The following P2RX7 variants were observed in gnomAD, a reference collection of about 807,000 sequenced individuals.
P2RX7 encodes purinergic receptor P2X 7, also known as P2X purinoceptor 7.
Under a neutral mutation model 71.6 loss-of-function variants are expected in P2RX7, and 62 were observed. The observed-to-expected ratio is 0.87, with a 90% CI of 0.71 to 1.07. The LOEUF is 1.07. P2RX7 is among the 50% of genes least tolerant of loss of function. The pLI, the probability that P2RX7 is intolerant of heterozygous loss-of-function variation, is 0.00. For synonymous variants in P2RX7, 299 were observed against 283.3 expected, an observed-to-expected ratio of 1.06 and a Z score of -0.56; for missense variants, 686 against 748.5, an observed-to-expected ratio of 0.92 and a Z score of 0.97.
Position 121,154,844 on chromosome 12 carries a change from ACAC to A in P2RX7, c.188_190del (p.Thr63del). On this transcript the variant is annotated inframe_deletion, in exon 2 of 13. Transcript: ENST00000328963. This position sits in a 1 kb window ranked among gnomAD's most constrained non-coding sequence, Gnocchi z 4.2. ...AAAGAGCCTGTCATCAGTTCTGTGC[ACAC>A]CAAGGTGAAGGGGATAGCAGAGGTG... The A allele has an allele frequency of 6.2e-7, 1 of 1,614,212 alleles. No individual in the cohort carries two copies. The highest frequency in any genetic ancestry group is 8.5e-7 in the Non-Finnish European group (1 of 1,180,026).
In P2RX7 at chr12:121,180,474, T is replaced by G; in HGVS notation, c.1290+19T>G. ...AGTCCCAGTAAGTTAAATCATTTTGTCTTTTTTTTTTTTTTAAGAAAATTT... is the reference window on the plus strand; with the variant it reads ...AGTCCCAGTAAGTTAAATCATTTTGGCTTTTTTTTTTTTTTAAGAAAATTT... On this transcript the variant is annotated intron_variant, in intron 12 of 12. Coordinates refer to ENST00000328963, the MANE Select transcript of P2RX7 (RefSeq NM_002562.6). The G allele has an allele frequency of 7.4e-7, 1 of 1,356,246 alleles. No homozygotes were observed. 84.0% of individuals were successfully genotyped at this position (1,356,246 alleles called of 1,614,324 possible).
chr12:121,163,576 AGAT>A (rs1880293814), intron 5 of P2RX7, among the ~76,000 whole-genome samples: 1 of 97,964 alleles, frequency 1.0e-5, no homozygotes, highest in African/African-American at 3.9e-5. Context: ...ATAGATAAAT[AGAT>A]AATAGATAGA....
intron 12 of P2RX7, 127 bp from the exon 13 acceptor site, chr12:121,184,178 C>T (rs1465881035): frequency 2.6e-6 from 3 of 1,157,296 alleles, no homozygotes; most frequent in Non-Finnish European, 3.5e-6. Flanking sequence ...CTGATATCTA[C>T]ACCTAATAAA....
At chr12:121,144,726 C>T (rs1310083557) in intron 1 of P2RX7, among the ~76,000 whole-genome samples, 1 of 151,990 alleles carries the variant, frequency 6.6e-6, no homozygotes, top group African/African-American at 2.4e-5. Context: ...CTGTTGGCGA[C>T]CTGGACTGGG....
chr12:121,175,286 G>C, intron 8 of P2RX7, 102 bp from the exon 9 acceptor site: 1 of 635,964 alleles, frequency 1.6e-6, no homozygotes. Context: ...ACTCCAGCCT[G>C]GGTGACAGCG....
At position 121,156,077 on chromosome 12, in the gene P2RX7, AG is replaced by A. The variant is rs1466696375; in HGVS notation, c.297del. On this transcript the variant is annotated splice_acceptor_variant, in intron 2 of 12. Coordinates refer to ENST00000328963, the MANE Select transcript of P2RX7 (RefSeq NM_002562.6). LOFTEE classifies it high-confidence loss of function. Reference sequence around the variant, plus strand: ...ATTTTCTTAGCCTCTCCTTCTCCACAGGGGAACTCTTTCTTCGTGATGACAA... The same window carrying A: ...ATTTTCTTAGCCTCTCCTTCTCCACAGGGAACTCTTTCTTCGTGATGACAA... 6.2e-7 allele frequency: 1 copy of A among 1,613,574 alleles called. No individual in the cohort carries two copies. Among genetic ancestry groups the A allele is most frequent in the East Asian group, 2.2e-5 (1 of 44,888 alleles).
rs151109698 is a variant in P2RX7, at chr12:121,162,212, T to A, written c.437-212T>A. 124 of 1,350,908 alleles carry A rather than the reference T, an allele frequency of 9.2e-5. 1 individual carries two copies. In the East Asian group the frequency reaches 3.7e-3, roughly 40 times the overall value. 83.7% of individuals were successfully genotyped at this position (1,350,908 alleles called of 1,614,324 possible). On this transcript the variant is annotated intron_variant, in intron 4 of 12. Coordinates refer to ENST00000328963, the MANE Select transcript of P2RX7 (RefSeq NM_002562.6). Reference sequence around the variant, plus strand: ...AGCAGAATCCACAGTCTTTCTGTGTTCTCTCTGATCTTTATTATGTTTTGC... The same window carrying A: ...AGCAGAATCCACAGTCTTTCTGTGTACTCTCTGATCTTTATTATGTTTTGC...
chr12:121,179,360 C>A (rs977631441), intron 11 of P2RX7, among the ~76,000 whole-genome samples: 1 of 151,894 alleles, frequency 6.6e-6, no homozygotes, highest in Non-Finnish European at 1.5e-5. Context: ...ATTAGCCAGG[C>A]ATGGTGGCGC....
Position 121,180,473 on chromosome 12 carries a change from G to GT in P2RX7, c.1290+19dup. 8.0e-7 allele frequency: 1 copy of GT among 1,250,228 alleles called. No homozygotes were observed. 77.4% of individuals were successfully genotyped at this position (1,250,228 alleles called of 1,614,324 possible). On this transcript the variant is annotated intron_variant, in intron 12 of 12. Coordinates refer to ENST00000328963, the MANE Select transcript of P2RX7 (RefSeq NM_002562.6). The stretch of plus-strand genomic sequence containing the variant: ...AAGTCCCAGTAAGTTAAATCATTTT[G>GT]TCTTTTTTTTTTTTTTAAGAAAATT...
At position 121,154,940 on chromosome 12, in the gene P2RX7, C is replaced by T. The variant is rs139064140; in HGVS notation, c.281C>T (p.Thr94Ile). ...VHSVFDTADY[T>I]FPLQGNSFFV... ...AGTGTCTTTGACACCGCAGACTACA[C>T]CTTCCCTTTGCAGGTGAGCACCTCG... The change falls in exon 2 of 13, where the codon ACC (threonine) becomes ATC (isoleucine). Residue 94 changes from threonine (T) to isoleucine (I), a missense_variant. Coordinates refer to ENST00000328963, the MANE Select transcript of P2RX7 (RefSeq NM_002562.6). This position sits in a 1 kb window ranked among gnomAD's most constrained non-coding sequence, Gnocchi z 4.2. The T allele has an allele frequency of 2.2e-5, 35 of 1,614,062 alleles. No individual in the cohort carries two copies. In the African/African-American group the frequency reaches 3.3e-4, roughly 15 times the overall value.
At chr12:121,151,245 CTT>C (rs907199510) in intron 1 of P2RX7, among the ~76,000 whole-genome samples, 2 of 144,326 alleles carry the variant, frequency 1.4e-5, no homozygotes, top group Non-Finnish European at 1.5e-5. Flanking sequence ...AAATGAAATC[CTT>C]TTTTTTTTTT....
chr12:121,150,700 G>A (rs1275040622), intron 1 of P2RX7, among the ~76,000 whole-genome samples: 2 of 152,202 alleles, frequency 1.3e-5, no homozygotes, highest in African/African-American at 4.8e-5. Flanking sequence ...CCTGAGGTCA[G>A]GAGTTCAAGA....
chr12:121,147,164 T>C (rs963021427), intron 1 of P2RX7, among the ~76,000 whole-genome samples: 1 of 152,228 alleles, frequency 6.6e-6, no homozygotes, highest in Non-Finnish European at 1.5e-5. Flanking sequence ...CACTGTAGCA[T>C]TTAAGAAAGC....
chr12:121,155,634 T>C (rs1265663191), intron 2 of P2RX7, among the ~76,000 whole-genome samples: 1 of 152,054 alleles, frequency 6.6e-6, no homozygotes, highest in Non-Finnish European at 1.5e-5. Context: ...TTTCTAACAG[T>C]GGGTCATTAA....
chr12:121,173,836 T>C (rs551577422), intron 8 of P2RX7, among the ~76,000 whole-genome samples: 1 of 152,162 alleles, frequency 6.6e-6, no homozygotes, highest in East Asian at 1.9e-4. Context: ...GTTTGTAATA[T>C]GATTTTCACA....
chr12:121,187,926 C>T lies in P2RX7; in HGVS notation c.*3124C>T, dbSNP rs1288336812. 6.6e-6 allele frequency: 1 copy of T among 152,114 alleles called. No individual in the cohort carries two copies. The highest frequency in any genetic ancestry group is 1.5e-5 in the Non-Finnish European group (1 of 68,028). 9.4% of individuals were successfully genotyped at this position (152,114 alleles called of 1,614,324 possible). On this transcript the variant is annotated 3_prime_UTR_variant, in exon 13 of 13. Transcript: ENST00000328963. ...TAGCATTGGTAATAGACATGCATTTCTCTTTCTAAAGGGGAGTAACTTTTT... is the reference window on the plus strand; with the variant it reads ...TAGCATTGGTAATAGACATGCATTTTTCTTTCTAAAGGGGAGTAACTTTTT...
At position 121,162,217 on chromosome 12, in the gene P2RX7, C is replaced by T. The variant is rs931311655; in HGVS notation, c.437-207C>T. 32 of 1,363,724 alleles carry T rather than the reference C, an allele frequency of 2.3e-5. No individual in the cohort carries two copies. The African/African-American group carries it at 4.0e-4, about 17-fold the overall frequency. 84.5% of individuals were successfully genotyped at this position (1,363,724 alleles called of 1,614,324 possible). On this transcript the variant is annotated intron_variant, in intron 4 of 12. Coordinates refer to ENST00000328963, the MANE Select transcript of P2RX7 (RefSeq NM_002562.6). ...AATCCACAGTCTTTCTGTGTTCTCT[C>T]TGATCTTTATTATGTTTTGCTTGTT... is the stretch of plus-strand genomic sequence containing the variant.
rs775306247 is a variant in P2RX7 at position 121,167,543 on chromosome 12, A to G, written c.800A>G (p.His267Arg). 41 of 1,613,694 alleles carry G rather than the reference A, an allele frequency of 2.5e-5. No homozygotes were observed. The South Asian group carries it at 4.1e-4, about 16-fold the overall frequency. ...GACTGCAACCTAGACCGTTGGTTCC[A>G]TCACTGCCGTCCCAAATACAGTTTC... ...YWDCNLDRWF[H>R]HCRPKYSFRR... The change falls in exon 8 of 13, where the codon CAT becomes CGT. Residue 267 changes from histidine to arginine, a missense_variant. Coordinates refer to ENST00000328963, the MANE Select transcript of P2RX7 (RefSeq NM_002562.6).
At chr12:121,170,587 C>T (rs1405307965) in intron 8 of P2RX7, among the ~76,000 whole-genome samples, 1 of 152,068 alleles carries the variant, frequency 6.6e-6, no homozygotes, top group African/African-American at 2.4e-5. Context: ...CCAGCCTGGC[C>T]AACATGGTGA....
Sources: gnomAD v4.1 joint callset for allele counts (sites outside exome capture counted in the v4.1 genomes callset) on GRCh38, gnomAD v4.1.1 for gene constraint, Gnocchi (gnomAD v3.1) non-coding constraint, MANE v1.5 for transcripts, NCBI Gene and HGNC (gene_info 2026-07-23, HGNC 2026-07-21) for gene names.